Variants in PTRH1 observed in about 807,000 individuals in gnomAD.
PTRH1 encodes the protein peptidyl-tRNA hydrolase.
PTRH1 carries 13 observed loss-of-function variants against 15.7 expected under a neutral mutation model. That is an observed-to-expected ratio of 0.83 (90% CI 0.54 to 1.31). The LOEUF is 1.31. Ranked by LOEUF, PTRH1 falls within the 40% of genes most tolerant of loss-of-function variation. The pLI is 0.00. For synonymous variants in PTRH1, 139 were observed against 136.7 expected (o/e 1.02, Z -0.12); for missense variants, 319 against 296.2 (o/e 1.08, Z -0.56).
intron 1 of PTRH1, among the ~76,000 whole-genome samples, chr9:127,703,231 A>C (rs1842616939): frequency 6.6e-6 from 1 of 151,430 alleles, no homozygotes; most frequent in African/African-American, 2.4e-5. Context: ...CGGGCAGATC[A>C]CCTGAGGTCA....
At chr9:127,694,220 C>A (rs1842534483) in intron 2 of PTRH1, among the ~76,000 whole-genome samples, 1 of 152,114 alleles carries the variant, frequency 6.6e-6, no homozygotes, top group Non-Finnish European at 1.5e-5. Context: ...GCGTGAGCTA[C>A]TGTGTCTGGC....
chr9:127,703,600 G>A (rs1052637599), intron 1 of PTRH1, among the ~76,000 whole-genome samples: 5 of 152,112 alleles, frequency 3.3e-5, no homozygotes, highest in East Asian at 1.9e-4. Flanking sequence ...GAGTCCCCTC[G>A]GCAGAGTGAC....
At chr9:127,702,549 A>C (rs1223012429) in intron 1 of PTRH1, among the ~76,000 whole-genome samples, 1 of 151,946 alleles carries the variant, frequency 6.6e-6, no homozygotes, top group Non-Finnish European at 1.5e-5. Flanking sequence ...AAAACAAATA[A>C]ACAAATAAAA....
rs1055341403 is a variant in PTRH1, at chr9:127,701,137, G to A, written c.206-5996C>T. On this transcript the variant is annotated intron_variant, in intron 1 of 2. Transcript: ENST00000335223. ...GTTTAGCCAACCCGTTCAGCATAAA[G>A]CTCCTACCCCAACCCCTTCTCCTAC... Among the ~76,000 whole-genome samples, 3 of 152,126 alleles carry A rather than the reference G, an allele frequency of 2.0e-5. No homozygotes were observed. The East Asian group carries it at 5.8e-4, about 29-fold the overall frequency.
chr9:127,711,769 A>G, downstream of PTRH1: 1 of 1,534,716 alleles, frequency 6.5e-7, no homozygotes, highest in Non-Finnish European at 8.8e-7. Context: ...CTGTGTCTGC[A>G]GCTGGGGGAC....
downstream of PTRH1, chr9:127,713,748 C>T (rs1842825861): frequency 9.0e-7 from 1 of 1,109,136 alleles, no homozygotes; most frequent in Non-Finnish European, 1.4e-6. Context: ...GTCAAGCAAT[C>T]CCCCAGCCTC....
downstream of PTRH1, chr9:127,711,815 C>A (rs371388623): frequency 6.4e-5 from 100 of 1,559,366 alleles, no homozygotes; most frequent in Non-Finnish European, 8.3e-5. Context: ...TGTCCGCACC[C>A]GCAGATCATC....
In PTRH1 at chr9:127,714,666, AG is replaced by A. The variant is rs766032058; in HGVS notation, c.352del (p.Leu118TrpfsTer15). ...GGGCTTGTCCAGCTCATCATGCACC[AG>A]GTAGACTTCCTCGGCAGTCAGCCCA... ...LFGLTAEEVYLVHDELDKPLG... is the reference protein window; with the variant it reads ...LFGLTAEEVYXVHDELDKPLG... On this transcript the variant is annotated frameshift_variant, in exon 3 of 5. Transcript: ENST00000543175. LOFTEE classifies it high-confidence loss of function. The A allele has an allele frequency of 1.4e-5, 23 of 1,613,746 alleles. No individual in the cohort carries two copies. Among genetic ancestry groups the A allele is most frequent in the Admixed American group, 3.3e-5 (2 of 59,976 alleles).
At chr9:127,713,666 C>G (rs1355467259), downstream of PTRH1, 2 of 533,598 alleles carry the variant, frequency 3.7e-6, no homozygotes, top group South Asian at 1.9e-5. Context: ...ACCACCATGC[C>G]TGGCTACTTT....
downstream of PTRH1, chr9:127,712,303 A>C (rs771558045): frequency 6.2e-7 from 1 of 1,614,050 alleles, no homozygotes; most frequent in Non-Finnish European, 8.5e-7. Context: ...GCCAGCCTGG[A>C]GGCGGCTCTG....
At chr9:127,709,969 AAT>A (rs1276064269), downstream of PTRH1, among the ~76,000 whole-genome samples, 1 of 152,164 alleles carries the variant, frequency 6.6e-6, no homozygotes, top group African/African-American at 2.4e-5. This position sits in a 1 kb window ranked among gnomAD's most constrained non-coding sequence, Gnocchi z 4.7. Context: ...TAGCCCAGAG[AAT>A]ATATACAGTC....
downstream of PTRH1, chr9:127,712,387 G>A (rs369379655): frequency 1.9e-5 from 30 of 1,608,900 alleles, no homozygotes; most frequent in African/African-American, 3.1e-4. Flanking sequence ...CAAGGGGAGG[G>A]GGAGTGAGCG....
At chr9:127,700,655 C>T (rs1842596574) in intron 1 of PTRH1, among the ~76,000 whole-genome samples, 1 of 152,234 alleles carries the variant, frequency 6.6e-6, no homozygotes, top group Non-Finnish European at 1.5e-5. Flanking sequence ...AAATTATAAA[C>T]AGGACCTCGG....
chr9:127,699,578 G>A (rs575927543), intron 1 of PTRH1, among the ~76,000 whole-genome samples: 1 of 152,194 alleles, frequency 6.6e-6, no homozygotes, highest in Non-Finnish European at 1.5e-5. Context: ...TTCTATCTGG[G>A]TGCTGGGTTA....
chr9:127,714,679 C>T lies in PTRH1; in HGVS notation c.340G>A (p.Glu114Lys), dbSNP rs551270127. 11 of 1,613,356 alleles carry T rather than the reference C, an allele frequency of 6.8e-6. No homozygotes were observed. In the African/African-American group the frequency reaches 8.0e-5, roughly 12 times the overall value. The change falls in exon 3 of 5, where the codon GAG becomes AAG. Residue 114 changes from glutamate (E) to lysine (K), a missense_variant. Coordinates refer to ENST00000543175, the MANE Select transcript of PTRH1 (RefSeq NM_001002913.3). ...RAAELFGLTA[E>K]EVYLVHDELD... ...TCATCATGCACCAGGTAGACTTCCT[C>T]GGCAGTCAGCCCAAACAGCTCCGCT...
At chr9:127,709,546 G>C (rs181393981), downstream of PTRH1, 12 of 1,614,152 alleles carry the variant, frequency 7.4e-6, no homozygotes, top group East Asian at 2.2e-4. This position sits in a 1 kb window ranked among gnomAD's most constrained non-coding sequence, Gnocchi z 4.7. Context: ...CCAGCAGGTG[G>C]ATGAGATCAC....
In PTRH1 at chr9:127,715,049, A is replaced by C. The variant is rs1435717103; in HGVS notation, c.242T>G (p.Leu81Arg). The C allele has an allele frequency of 1.3e-6, 2 of 1,518,438 alleles. No individual in the cohort carries two copies. Among genetic ancestry groups the C allele is most frequent in the Non-Finnish European group, 8.8e-7 (1 of 1,141,106 alleles). 94.1% of individuals were successfully genotyped at this position (1,518,438 alleles called of 1,614,324 possible). A position where few individuals can be genotyped will look rare whatever the true frequency, so the allele number is the denominator to read the frequency against. ...HCAADLALAPLGDAQLVLLRP... is the reference protein window; with the variant it reads ...HCAADLALAPRGDAQLVLLRP... ...GAGCAGGACCAGTTGGGCATCCCCC[A>C]GCGGGGCCAGGGCGAGGTCGGCGGC... is the stretch of plus-strand genomic sequence containing the variant. The change falls in exon 2 of 5, where the codon CTG (leucine) becomes CGG (arginine). Residue 81 changes from leucine (L) to arginine (R), a missense_variant. Transcript: ENST00000543175. This position sits in a 1 kb window ranked among gnomAD's most constrained non-coding sequence, Gnocchi z 5.8.
intron 1 of PTRH1, chr9:127,706,879 G>A: frequency 1.2e-6 from 1 of 855,152 alleles, no homozygotes; most frequent in Non-Finnish European, 1.8e-6. Context: ...CATCTGCCTT[G>A]GAGTGGGACC....
chr9:127,699,817 T>C (rs190373072), intron 1 of PTRH1, among the ~76,000 whole-genome samples: 51 of 152,276 alleles, frequency 3.3e-4, no homozygotes, highest in African/African-American at 1.2e-3. Flanking sequence ...TATTGCATAA[T>C]GGTCACCAGA....
Sources: gnomAD v4.1 joint callset for allele counts (sites outside exome capture counted in the v4.1 genomes callset) on GRCh38, gnomAD v4.1.1 for gene constraint, Gnocchi (gnomAD v3.1) non-coding constraint, MANE v1.5 for transcripts, NCBI Gene and HGNC (gene_info 2026-07-23, HGNC 2026-07-21) for gene names.